TAF2: variants seen among roughly 807,000 people sequenced by gnomAD.
TAF2 encodes the protein transcription initiation factor TFIID subunit 2.
In TAF2, 61 loss-of-function variants were observed where a neutral mutation model predicts 138.5. That is an observed-to-expected ratio of 0.44 (90% CI 0.36 to 0.54). The LOEUF (loss-of-function observed/expected upper bound fraction) is 0.54, where lower values mean the gene tolerates loss of function less well. Among genes scored for constraint, TAF2 ranks in the 20% least tolerant of loss-of-function variants. The pLI is 0.00. For synonymous variants in TAF2, 475 were observed against 469.9 expected, an observed-to-expected ratio of 1.01 and a Z score of -0.14; for missense variants, 1,090 against 1,427.9, an observed-to-expected ratio of 0.76 and a Z score of 3.81.
At chr8:119,774,751 T>C (rs1000801632) in intron 18 of TAF2, among the ~76,000 whole-genome samples, 24 of 152,072 alleles carry the variant, frequency 1.6e-4, no homozygotes, top group African/African-American at 5.3e-4. Context: ...ACAAAGCAAA[T>C]AGCTGAACTA....
Position 119,788,793 on chromosome 8 carries a change from G to T in TAF2, c.1680C>A (p.Tyr560Ter). Residue 560 changes from tyrosine to a stop codon, truncating the protein, a stop_gained, in exon 13 of 26, where the codon TAC becomes TAA. Transcript: ENST00000378164. LOFTEE classifies it high-confidence loss of function. ...QDYTSPGTQK[Y>*]VGPLKVTVQE... ...GCGATTTTGGAAAAAGACTTACCAC[G>T]TATTTCTGAGTTCCAGGAGATGTAT... The T allele has an allele frequency of 1.9e-6, 3 of 1,609,740 alleles. No homozygotes were observed. The highest frequency in any genetic ancestry group is 2.6e-6 in the Non-Finnish European group (3 of 1,176,152).
intron 17 of TAF2, among the ~76,000 whole-genome samples, chr8:119,778,628 T>C (rs1337848561): frequency 6.6e-6 from 1 of 152,200 alleles, no homozygotes; most frequent in African/African-American, 2.4e-5. Context: ...CAATAAACGA[T>C]ATAAGTAGGT....
intron 3 of TAF2, among the ~76,000 whole-genome samples, chr8:119,811,672 G>C (rs1204017888): frequency 6.6e-6 from 1 of 151,668 alleles, no homozygotes; most frequent in East Asian, 1.9e-4. Context: ...CGGGCGTGGT[G>C]GTGGGCGCCT....
At chr8:119,813,139 T>C (rs1217234457) in intron 3 of TAF2, among the ~76,000 whole-genome samples, 2 of 152,194 alleles carry the variant, frequency 1.3e-5, no homozygotes, top group African/African-American at 2.4e-5. Flanking sequence ...ATAATGGCCA[T>C]TCTGGCTGGG....
chr8:119,731,723 G>C lies in TAF2; in HGVS notation c.*201C>G, dbSNP rs1017599328. On this transcript the variant is annotated 3_prime_UTR_variant, in exon 26 of 26. Transcript: ENST00000378164. ...AACAGCGGATGAAATAGTTTATCCAGAACTACAAAACACATTTTCCTAATT... is the reference window on the plus strand; with the variant it reads ...AACAGCGGATGAAATAGTTTATCCACAACTACAAAACACATTTTCCTAATT... 4 of 609,876 alleles carry C rather than the reference G, an allele frequency of 6.6e-6. No individual in the cohort carries two copies. Among genetic ancestry groups the C allele is most frequent in the Non-Finnish European group, 5.8e-6 (2 of 347,272 alleles). 37.8% of individuals were successfully genotyped at this position (609,876 alleles called of 1,614,324 possible). A position where few individuals can be genotyped will look rare whatever the true frequency, so the allele number is the denominator to read the frequency against.
At position 119,832,499 on chromosome 8, in the gene TAF2, G is replaced by T. The variant is rs1384595176; in HGVS notation, c.66C>A (p.Ser22Arg). The change falls in exon 1 of 26, where the codon AGC (serine) becomes AGA (arginine). Residue 22 changes from serine to arginine, a missense_variant. By Grantham distance (110) the Ser-to-Arg change is moderately radical. Transcript: ENST00000378164. ...NRKKGDKGFE[S>R]PRPYKLTHQV... ...ATACTTATAATTTATATGGCCTTGG[G>T]CTTTCAAAGCCCTTGTCTCCTTTCT... 3 of 1,613,918 alleles carry T rather than the reference G, an allele frequency of 1.9e-6. No homozygotes were observed. The East Asian group carries it at 6.7e-5, about 36-fold the overall frequency.
At chr8:119,735,181 G>C (rs1587635848) in intron 25 of TAF2, among the ~76,000 whole-genome samples, 1 of 152,074 alleles carries the variant, frequency 6.6e-6, no homozygotes, top group Admixed American at 6.6e-5. Flanking sequence ...TATTTCTTTT[G>C]TCTTTGAGTC....
intron 2 of TAF2, 112 bp downstream of exon 2, chr8:119,831,565 C>T: frequency 1.3e-6 from 1 of 762,656 alleles, no homozygotes; most frequent in East Asian, 2.8e-5. Flanking sequence ...CTTACCTATT[C>T]TTGAAACACA....
intron 17 of TAF2, among the ~76,000 whole-genome samples, 174 bp downstream of exon 17, chr8:119,780,879 G>A (rs1026840076): frequency 2.0e-5 from 3 of 146,818 alleles, no homozygotes; most frequent in East Asian, 2.0e-4. Context: ...AGCTTGCAGT[G>A]AGCGGAGCTT....
Position 119,783,643 on chromosome 8 carries a change from A to C in TAF2, c.1860-10T>G, listed in dbSNP as rs1164202966. 1 of 1,611,236 alleles carries C rather than the reference A, an allele frequency of 6.2e-7. No individual in the cohort carries two copies. The highest frequency in any genetic ancestry group is 8.5e-7 in the Non-Finnish European group (1 of 1,178,674). ...CAAAGGGGAATCAGCACTGCAAGAA[A>C]ATACAATTTTCTTTTTAATTTAATT... On this transcript the variant is annotated splice_polypyrimidine_tract_variant and intron_variant, in intron 15 of 25. Transcript: ENST00000378164.
intron 2 of TAF2, among the ~76,000 whole-genome samples, chr8:119,824,872 C>T (rs1206641478): frequency 6.6e-6 from 1 of 152,162 alleles, no homozygotes; most frequent in Non-Finnish European, 1.5e-5. Context: ...GCCTGGATGC[C>T]CAGGCAGAAA....
intron 2 of TAF2, among the ~76,000 whole-genome samples, chr8:119,828,679 C>T (rs960391118): frequency 6.6e-6 from 1 of 152,318 alleles, no homozygotes; most frequent in South Asian, 2.1e-4. Context: ...GAAGCAGGGA[C>T]TGTTACAATT....
chr8:119,831,362 C>T lies in TAF2; in HGVS notation c.138+315G>A, dbSNP rs189869593. Among the ~76,000 whole-genome samples the T allele has an allele frequency of 2.6e-5, 4 of 152,046 alleles. No individual in the cohort carries two copies. In the East Asian group the frequency reaches 7.7e-4, roughly 29 times the overall value. Reference sequence around the variant, plus strand: ...AATTTTTTTCATAGAAGAAATGTCGCTATGGGCTTATACTTGTTTCATGCA... The same window carrying T: ...AATTTTTTTCATAGAAGAAATGTCGTTATGGGCTTATACTTGTTTCATGCA... On this transcript the variant is annotated intron_variant, in intron 2 of 25. Coordinates refer to ENST00000378164, the MANE Select transcript of TAF2 (RefSeq NM_003184.4).
chr8:119,758,863 C>T (rs892940503), intron 20 of TAF2, among the ~76,000 whole-genome samples: 6 of 152,008 alleles, frequency 3.9e-5, no homozygotes, highest in African/African-American at 1.2e-4. Flanking sequence ...TGGACAAAAG[C>T]GAAGTGTCAC....
intron 2 of TAF2, among the ~76,000 whole-genome samples, chr8:119,829,905 G>T (rs1047646494): frequency 6.7e-6 from 1 of 148,616 alleles, no homozygotes; most frequent in Non-Finnish European, 1.5e-5. Flanking sequence ...CGTCGCCCAG[G>T]CTGGAGTGCA....
intron 14 of TAF2, among the ~76,000 whole-genome samples, chr8:119,787,496 C>G (rs889395305): frequency 1.4e-4 from 22 of 152,130 alleles, no homozygotes; most frequent in Non-Finnish European, 2.8e-4. Context: ...AAAAGCTCAT[C>G]ATCACTGGTC....
At chr8:119,774,186 G>C (rs59154748) in intron 18 of TAF2, among the ~76,000 whole-genome samples, 1 of 151,582 alleles carries the variant, frequency 6.6e-6, no homozygotes, top group East Asian at 1.9e-4. Flanking sequence ...AAAAAAAATT[G>C]ATCTTTTGTA....
Position 119,758,480 on chromosome 8 carries a change from C to A in TAF2, c.2699-338G>T, listed in dbSNP as rs544584998. Among the ~76,000 whole-genome samples the A allele has an allele frequency of 8.5e-5, 13 of 152,214 alleles. No homozygotes were observed. In the East Asian group the frequency reaches 2.5e-3, roughly 29 times the overall value. On this transcript the variant is annotated intron_variant, in intron 20 of 25. Coordinates refer to ENST00000378164, the MANE Select transcript of TAF2 (RefSeq NM_003184.4). Reference sequence around the variant, plus strand: ...TAACTGGACAAAATCTGTTTAAATACAATTGTCTTCCTAGATGCTTAAATG... The same window carrying A: ...TAACTGGACAAAATCTGTTTAAATAAAATTGTCTTCCTAGATGCTTAAATG...
chr8:119,815,524 T>A (rs529391979), intron 3 of TAF2, among the ~76,000 whole-genome samples: 3 of 151,872 alleles, frequency 2.0e-5, no homozygotes, highest in Admixed American at 6.6e-5. Context: ...TCCACCCACC[T>A]TGGCCTCCCA....
Sources: gnomAD v4.1 joint callset for allele counts (sites outside exome capture counted in the v4.1 genomes callset) on GRCh38, gnomAD v4.1.1 for gene constraint, MANE v1.5 for transcripts, NCBI Gene and HGNC (gene_info 2026-07-23, HGNC 2026-07-21) for gene names.